The following PCBD2 variants were observed in gnomAD, a reference collection of about 807,000 sequenced individuals.
The protein encoded by PCBD2 is pterin-4-alpha-carbinolamine dehydratase 2.
A neutral mutation model predicts 16.4 loss-of-function variants in PCBD2; 12 were observed. That is an observed-to-expected ratio of 0.73 (90% CI 0.47 to 1.19). The LOEUF (loss-of-function observed/expected upper bound fraction) is 1.19. PCBD2 is among the 50% of genes most tolerant of loss of function. The pLI, the probability that PCBD2 is intolerant of heterozygous loss-of-function variation, is 0.00. For synonymous variants in PCBD2, 58 were observed against 61.8 expected (o/e 0.94, Z 0.29); for missense variants, 138 against 156.8 (o/e 0.88, Z 0.64).
intron 2 of PCBD2, chr5:134,927,225 A>G (rs1751018988): frequency 7.5e-6 from 3 of 398,440 alleles, no homozygotes; most frequent in South Asian, 1.3e-4. Flanking sequence ...GGAGCTTGTT[A>G]TAATTATGCC....
chr5:134,961,000 C>T lies in PCBD2; in HGVS notation c.*319C>T, dbSNP rs1047987236. 2.3e-4 allele frequency: 40 copies of T among 177,386 alleles called. No individual in the cohort carries two copies. The highest frequency in any genetic ancestry group is 3.0e-4 in the Non-Finnish European group (25 of 84,278). The allele number at this position is 177,386 out of a possible 1,614,324, so 11.0% of individuals were successfully genotyped here. A position where few individuals can be genotyped will look rare whatever the true frequency, so the allele number is the denominator to read the frequency against. ...CAGGCTGGTCTCGAACTCCTGACCT[C>T]GTGATCCGCCTGCCTCAGCCTCCCA... On this transcript the variant is annotated 3_prime_UTR_variant, in exon 4 of 4. Coordinates refer to ENST00000254908, the MANE Select transcript of PCBD2 (RefSeq NM_032151.5).
intron 1 of PCBD2, among the ~76,000 whole-genome samples, chr5:134,909,980 G>A (rs1190296211): frequency 3.3e-5 from 5 of 152,216 alleles, no homozygotes; most frequent in Non-Finnish European, 7.3e-5. Context: ...TGAGGTGGGA[G>A]GATCATTTGA....
chr5:134,940,368 T>C (rs920408521), intron 2 of PCBD2, among the ~76,000 whole-genome samples: 1 of 152,174 alleles, frequency 6.6e-6, no homozygotes, highest in Admixed American at 6.5e-5. Context: ...TACATTTCTT[T>C]TAGAACCACC....
chr5:134,924,700 T>TA, intron 2 of PCBD2: 1 of 395,464 alleles, frequency 2.5e-6, no homozygotes, highest in Non-Finnish European at 4.5e-6. Flanking sequence ...AGAGAGGAAA[T>TA]AAAGTTTGAT....
At chr5:134,938,987 G>A (rs1242443980) in intron 2 of PCBD2, among the ~76,000 whole-genome samples, 1 of 152,110 alleles carries the variant, frequency 6.6e-6, no homozygotes, top group Non-Finnish European at 1.5e-5. Context: ...GTAAGTACTG[G>A]TTATATTAAT....
intron 2 of PCBD2, among the ~76,000 whole-genome samples, chr5:134,950,146 A>G (rs910994296): frequency 2.6e-5 from 4 of 152,260 alleles, no homozygotes; most frequent in Admixed American, 6.5e-5. Context: ...TAGGCCTACA[A>G]ACATAATGGT....
chr5:134,905,698 C>T (rs1218052267), intron 1 of PCBD2: 1 of 153,822 alleles, frequency 6.5e-6, no homozygotes, highest in Non-Finnish European at 1.4e-5. Context: ...GACATATTGA[C>T]TTTTCTTTCC....
intron 2 of PCBD2, among the ~76,000 whole-genome samples, chr5:134,953,561 G>A (rs111679091): frequency 0.018 from 2,734 of 152,146 alleles, 81 homozygotes; most frequent in African/African-American, 0.063. Flanking sequence ...TTGGAAGGCC[G>A]AGGCGGGCGG....
intron 2 of PCBD2, among the ~76,000 whole-genome samples, chr5:134,952,466 A>C (rs1258487935): frequency 6.6e-6 from 1 of 152,210 alleles, no homozygotes; most frequent in African/African-American, 2.4e-5. Flanking sequence ...CTCTACCTTT[A>C]AAATTATGTT....
chr5:134,919,083 T>C (rs1310885994), intron 2 of PCBD2, among the ~76,000 whole-genome samples: 2 of 152,242 alleles, frequency 1.3e-5, no homozygotes, highest in East Asian at 3.8e-4. Flanking sequence ...AAATGGACTT[T>C]TAACTGCATA....
At chr5:134,946,685 T>C (rs1751299125) in intron 2 of PCBD2, among the ~76,000 whole-genome samples, 1 of 152,198 alleles carries the variant, frequency 6.6e-6, no homozygotes, top group Non-Finnish European at 1.5e-5. Flanking sequence ...GTGTACTGCT[T>C]ATAGAAAATG....
intron 2 of PCBD2, among the ~76,000 whole-genome samples, chr5:134,937,482 A>G (rs1751173150): frequency 6.6e-6 from 1 of 152,248 alleles, no homozygotes; most frequent in Non-Finnish European, 1.5e-5. Flanking sequence ...AATGTTGGAA[A>G]GAGGCAAAGA....
intron 2 of PCBD2, among the ~76,000 whole-genome samples, chr5:134,922,338 C>T (rs1245597676): frequency 6.6e-6 from 1 of 152,202 alleles, no homozygotes; most frequent in Non-Finnish European, 1.5e-5. Flanking sequence ...AGCCACCACA[C>T]CCAGCTCCTC....
chr5:134,918,931 A>T (rs990499462), intron 2 of PCBD2, among the ~76,000 whole-genome samples: 3 of 152,246 alleles, frequency 2.0e-5, no homozygotes, highest in African/African-American at 7.2e-5. Flanking sequence ...TGTGTCGTAC[A>T]GTAGGTCTAG....
intron 1 of PCBD2, 173 bp downstream of exon 1, chr5:134,905,396 C>G: frequency 2.1e-6 from 1 of 479,792 alleles, no homozygotes; most frequent in African/African-American, 2.0e-5. Flanking sequence ...CGGTGCGCCG[C>G]TCAGAGACCG....
intron 2 of PCBD2, among the ~76,000 whole-genome samples, chr5:134,946,441 A>T (rs1751296560): frequency 6.6e-6 from 1 of 152,202 alleles, no homozygotes; most frequent in Admixed American, 6.5e-5. Flanking sequence ...TTATCACTGA[A>T]GTTCCTCTGT....
At chr5:134,931,109 A>T (rs949978863) in intron 2 of PCBD2, among the ~76,000 whole-genome samples, 2 of 151,980 alleles carry the variant, frequency 1.3e-5, no homozygotes, top group Non-Finnish European at 2.9e-5. Context: ...TAGTAAAGAC[A>T]GGGTTTCACC....
chr5:134,958,242 CA>C (rs1751436275), intron 2 of PCBD2, among the ~76,000 whole-genome samples: 1 of 151,984 alleles, frequency 6.6e-6, no homozygotes, highest in Non-Finnish European at 1.5e-5. Context: ...TGAAAACAAA[CA>C]AAAAAATGAG....
At chr5:134,927,655 G>A (rs970193767) in intron 2 of PCBD2, 18 of 398,134 alleles carry the variant, frequency 4.5e-5, no homozygotes, top group African/African-American at 3.5e-4. Flanking sequence ...GCCAGGGTGG[G>A]GATAAGTGTG....
Sources: gnomAD v4.1 joint callset for allele counts (sites outside exome capture counted in the v4.1 genomes callset) on GRCh38, gnomAD v4.1.1 for gene constraint, MANE v1.5 for transcripts, NCBI Gene and HGNC (gene_info 2026-07-23, HGNC 2026-07-21) for gene names.